The following GRHL2 variants were observed in gnomAD, a reference collection of about 807,000 sequenced individuals.
GRHL2 encodes grainyhead-like protein 2 homolog.
GRHL2 carries 21 observed loss-of-function variants against 83.8 expected under a neutral mutation model. The observed-to-expected ratio is 0.25, with a 90% CI of 0.18 to 0.36. The LOEUF (loss-of-function observed/expected upper bound fraction) is 0.36. Ranked by LOEUF, GRHL2 falls within the 10% of genes least tolerant of loss-of-function variation. The pLI is 1.00. For missense variants in GRHL2, 623 were observed against 781.8 expected, an observed-to-expected ratio of 0.80 and a Z score of 2.42; for synonymous variants, 280 against 278.9, an observed-to-expected ratio of 1.00 and a Z score of -0.04.
intron 4 of GRHL2, 69 bp from the exon 5 acceptor site, chr8:101,570,270 A>C: frequency 8.7e-7 from 1 of 1,151,766 alleles, no homozygotes; most frequent in East Asian, 2.3e-5. Context: ...GTTTGGATAC[A>C]TTTATTATTA....
At chr8:101,626,442 T>A (rs1313492895) in intron 9 of GRHL2, among the ~76,000 whole-genome samples, 1 of 152,132 alleles carries the variant, frequency 6.6e-6, no homozygotes, top group African/African-American at 2.4e-5. Flanking sequence ...TGTGTGTATC[T>A]TTATGCTAAC....
rs1427187439 is a variant in GRHL2 at position 101,496,438 on chromosome 8, CTT to C, written c.20+3653_20+3654del. Among the ~76,000 whole-genome samples, 4 of 152,046 alleles carry C rather than the reference CTT, an allele frequency of 2.6e-5. No individual in the cohort carries two copies. The East Asian group carries it at 7.7e-4, about 29-fold the overall frequency. On this transcript the variant is annotated intron_variant, in intron 1 of 15. Coordinates refer to ENST00000646743, the MANE Select transcript of GRHL2 (RefSeq NM_024915.4). The stretch of plus-strand genomic sequence containing the variant: ...TAGAAACGTCAAGAATTTATCATAT[CTT>C]TTTCAAACCAATACATATACCCATT...
At chr8:101,650,814 A>G (rs1278539047) in intron 14 of GRHL2, among the ~76,000 whole-genome samples, 1 of 151,966 alleles carries the variant, frequency 6.6e-6, no homozygotes, top group Non-Finnish European at 1.5e-5. Flanking sequence ...ATATCTATCT[A>G]TCTATCTATC....
At chr8:101,548,954 A>G (rs1055082757) in intron 2 of GRHL2, among the ~76,000 whole-genome samples, 1 of 152,150 alleles carries the variant, frequency 6.6e-6, no homozygotes, top group Non-Finnish European at 1.5e-5. Flanking sequence ...TGCCCTTTCC[A>G]GGCCATTTTC....
At chr8:101,510,901 C>T (rs1159911776) in intron 1 of GRHL2, among the ~76,000 whole-genome samples, 1 of 152,076 alleles carries the variant, frequency 6.6e-6, no homozygotes, top group Non-Finnish European at 1.5e-5. Context: ...TTGAGGCCAG[C>T]CTGCCTGGCC....
At chr8:101,626,454 T>C (rs770190082) in intron 9 of GRHL2, among the ~76,000 whole-genome samples, 15 of 152,106 alleles carry the variant, frequency 9.9e-5, no homozygotes, top group Non-Finnish European at 2.1e-4. Context: ...TATGCTAACA[T>C]TAAATTCTTT....
chr8:101,652,572 G>C (rs1813690080), intron 14 of GRHL2, among the ~76,000 whole-genome samples: 5 of 86,398 alleles, frequency 5.8e-5, no homozygotes, highest in African/African-American at 1.6e-4. Flanking sequence ...TGGTGTGTGT[G>C]TGGTGTGTGT....
chr8:101,493,621 C>G (rs1810022410), intron 1 of GRHL2, among the ~76,000 whole-genome samples: 1 of 152,148 alleles, frequency 6.6e-6, no homozygotes, highest in Admixed American at 6.5e-5. Context: ...CTGCACGCCC[C>G]TCGAGCTCGC....
intron 1 of GRHL2, among the ~76,000 whole-genome samples, chr8:101,516,661 C>T (rs896571957): frequency 5.9e-5 from 9 of 152,198 alleles, no homozygotes; most frequent in African/African-American, 2.2e-4. Context: ...CCTGTCTTGG[C>T]CTCCCAAAGT....
At chr8:101,583,269 T>C (rs975758645) in intron 7 of GRHL2, among the ~76,000 whole-genome samples, 21 of 152,090 alleles carry the variant, frequency 1.4e-4, no homozygotes, top group African/African-American at 4.8e-4. Context: ...GGACTGGCAA[T>C]GGAAAACCAG....
chr8:101,645,345 A>G (rs138189602), intron 13 of GRHL2, among the ~76,000 whole-genome samples: 15,098 of 151,820 alleles, frequency 0.099, 782 homozygotes, highest in South Asian at 0.13. Flanking sequence ...GTTGGCCAGG[A>G]TGGTCTCGAT....
chr8:101,497,937 T>C (rs1379390366), intron 1 of GRHL2, among the ~76,000 whole-genome samples: 2 of 152,194 alleles, frequency 1.3e-5, no homozygotes, highest in Non-Finnish European at 2.9e-5. Context: ...GCTGAACTGC[T>C]GCTTCTGGAA....
chr8:101,569,172 T>C (rs560785844), intron 4 of GRHL2, among the ~76,000 whole-genome samples: 1 of 152,168 alleles, frequency 6.6e-6, no homozygotes, highest in Non-Finnish European at 1.5e-5. Flanking sequence ...TATTCTACAA[T>C]ATTCGCTTCC....
At chr8:101,617,265 G>A (rs1009462902) in intron 8 of GRHL2, among the ~76,000 whole-genome samples, 10 of 152,142 alleles carry the variant, frequency 6.6e-5, no homozygotes, top group Admixed American at 1.3e-4. Context: ...TTAGGGCATA[G>A]GGTTTCTGTA....
At chr8:101,579,220 C>G in intron 7 of GRHL2, among the ~76,000 whole-genome samples, 1 of 152,130 alleles carries the variant, frequency 6.6e-6, no homozygotes, top group East Asian at 1.9e-4. Context: ...AATTATTACC[C>G]AAGAAAATGA....
chr8:101,670,868 C>T (rs527998124), downstream of GRHL2, among the ~76,000 whole-genome samples: 11 of 152,316 alleles, frequency 7.2e-5, no homozygotes, highest in Admixed American at 2.6e-4. Flanking sequence ...GATGTTTTGC[C>T]GTGTGCTGGA....
intron 9 of GRHL2, among the ~76,000 whole-genome samples, chr8:101,623,887 C>CACAGTAGG (rs1813017544): frequency 1.5e-5 from 2 of 137,156 alleles, no homozygotes; most frequent in Non-Finnish European, 3.1e-5. Flanking sequence ...TAGGACAGTT[C>CACAGTAGG]ACAGTACACA....
At chr8:101,647,350 G>A (rs950905029) in intron 13 of GRHL2, among the ~76,000 whole-genome samples, 5 of 152,156 alleles carry the variant, frequency 3.3e-5, no homozygotes, top group Non-Finnish European at 7.4e-5. Flanking sequence ...GGGTGACAGC[G>A]AGACTCTGTC....
the GRHL2 span, among the ~76,000 whole-genome samples, chr8:101,680,069 A>T: frequency 1.1e-4 from 13 of 119,638 alleles, no homozygotes; most frequent in Non-Finnish European, 1.7e-4. Context: ...AAATTCACAC[A>T]TAACAATATT....
Sources: gnomAD v4.1 joint callset for allele counts (sites outside exome capture counted in the v4.1 genomes callset) on GRCh38, gnomAD v4.1.1 for gene constraint, MANE v1.5 for transcripts, NCBI Gene and HGNC (gene_info 2026-07-23, HGNC 2026-07-21) for gene names.